Variants in GRM1 observed in about 807,000 individuals in gnomAD.
GRM1 encodes the protein metabotropic glutamate receptor 1.
GRM1 carries 33 observed loss-of-function variants against 90.9 expected under a neutral mutation model. The observed-to-expected ratio is 0.36, with a 90% CI of 0.28 to 0.49. The LOEUF is 0.49. Ranked by LOEUF, GRM1 falls within the 20% of genes least tolerant of loss-of-function variation. The pLI is 0.99. For missense variants in GRM1, 1,190 were observed against 1,534.3 expected (o/e 0.78, Z 3.75); for synonymous variants, 700 against 613.2 (o/e 1.14, Z -2.09).
intron 1 of GRM1, among the ~76,000 whole-genome samples, chr6:146,075,095 G>C (rs1165053402): frequency 1.3e-5 from 2 of 152,092 alleles, no homozygotes; most frequent in Non-Finnish European, 2.9e-5. Flanking sequence ...TGATCTCAGT[G>C]CTCTGTTGCT....
At chr6:146,042,995 G>T (rs1235650735) in intron 1 of GRM1, among the ~76,000 whole-genome samples, 3 of 151,940 alleles carry the variant, frequency 2.0e-5, no homozygotes, top group African/African-American at 7.2e-5. Context: ...CAACCTCTCT[G>T]TATGAAAATA....
At chr6:146,291,151 T>TC (rs1782967235) in intron 2 of GRM1, among the ~76,000 whole-genome samples, 1 of 152,068 alleles carries the variant, frequency 6.6e-6, no homozygotes, top group Non-Finnish European at 1.5e-5. Context: ...GTTAGTTGGT[T>TC]TCTTTTTGTT....
intron 2 of GRM1, among the ~76,000 whole-genome samples, chr6:146,169,335 C>T (rs796220006): frequency 3.3e-5 from 5 of 152,210 alleles, no homozygotes; most frequent in African/African-American, 1.2e-4. Flanking sequence ...TATATAAAAA[C>T]ATATTTAGAG....
chr6:146,135,102 T>C (rs529324987), intron 1 of GRM1, among the ~76,000 whole-genome samples: 3 of 152,300 alleles, frequency 2.0e-5, no homozygotes, highest in South Asian at 2.1e-4. Flanking sequence ...ACTTACTATA[T>C]GATAATATTT....
chr6:146,117,840 A>G (rs1775814461), intron 1 of GRM1, among the ~76,000 whole-genome samples: 1 of 152,108 alleles, frequency 6.6e-6, no homozygotes. Flanking sequence ...TTAAAAACCA[A>G]GAATTTAAGT....
At chr6:146,138,972 T>A (rs1776735060) in intron 1 of GRM1, among the ~76,000 whole-genome samples, 1 of 152,080 alleles carries the variant, frequency 6.6e-6, no homozygotes, top group Admixed American at 6.5e-5. Context: ...AGCGCTAAAA[T>A]TTCCTCTTAA....
At chr6:146,071,307 C>T (rs527783394) in intron 1 of GRM1, among the ~76,000 whole-genome samples, 91 of 152,218 alleles carry the variant, frequency 6.0e-4, no homozygotes, top group African/African-American at 1.8e-3. Flanking sequence ...TTGCTACCCG[C>T]GGCCTGCATA....
chr6:146,163,976 A>G (rs557921660), intron 2 of GRM1, among the ~76,000 whole-genome samples: 13 of 152,276 alleles, frequency 8.5e-5, no homozygotes, highest in South Asian at 2.1e-4. Context: ...CTATAGAACT[A>G]TATTTATGTA....
intron 5 of GRM1, among the ~76,000 whole-genome samples, chr6:146,368,531 T>C (rs574793647): frequency 6.6e-6 from 1 of 152,242 alleles, no homozygotes; most frequent in South Asian, 2.1e-4. Context: ...GGCCTTATTA[T>C]GTTGACAGAC....
At chr6:146,183,708 T>C (rs1778627752) in intron 2 of GRM1, among the ~76,000 whole-genome samples, 1 of 152,176 alleles carries the variant, frequency 6.6e-6, no homozygotes, top group Admixed American at 6.6e-5. Flanking sequence ...CTCTAGAACC[T>C]TCGTGTATAG....
At chr6:146,413,738 AATTAGAGACAACC>A (rs1777657998) in intron 7 of GRM1, among the ~76,000 whole-genome samples, 1 of 152,172 alleles carries the variant, frequency 6.6e-6, no homozygotes. Flanking sequence ...CCTGCTCTCC[AATTAGAGACAACC>A]ATTATTCTGA....
intron 4 of GRM1, among the ~76,000 whole-genome samples, chr6:146,353,928 G>A (rs1230389676): frequency 3.3e-5 from 5 of 152,084 alleles, no homozygotes; most frequent in African/African-American, 9.7e-5. Flanking sequence ...CACTTTGCCC[G>A]GCCTGGCAAC....
chr6:146,288,803 G>A (rs983403572), intron 2 of GRM1, among the ~76,000 whole-genome samples: 3 of 152,120 alleles, frequency 2.0e-5, no homozygotes, highest in African/African-American at 7.2e-5. Flanking sequence ...ATCGCGCGGG[G>A]CCAGAACATT....
chr6:146,374,683 T>A (rs1400158525), intron 5 of GRM1, among the ~76,000 whole-genome samples: 1 of 152,144 alleles, frequency 6.6e-6, no homozygotes, highest in African/African-American at 2.4e-5. Context: ...CCAGTAATGA[T>A]CCTTTGAATT....
chr6:146,177,928 A>G (rs1778392313), intron 2 of GRM1, among the ~76,000 whole-genome samples: 1 of 152,166 alleles, frequency 6.6e-6, no homozygotes, highest in Non-Finnish European at 1.5e-5. Context: ...TCTTGGATTT[A>G]CAGAAAAACT....
At chr6:146,297,379 C>G (rs191864575) in intron 2 of GRM1, among the ~76,000 whole-genome samples, 3 of 152,104 alleles carry the variant, frequency 2.0e-5, no homozygotes, top group African/African-American at 7.2e-5. Flanking sequence ...CCAGGATGGT[C>G]TCAATCTCCT....
chr6:146,268,502 C>T (rs1179206103), intron 2 of GRM1, among the ~76,000 whole-genome samples: 2 of 152,074 alleles, frequency 1.3e-5, no homozygotes, highest in African/African-American at 2.4e-5. Flanking sequence ...TTTATTAATA[C>T]TTGTATCTTC....
rs118001809 is a variant in GRM1 at position 146,228,307 on chromosome 6, G to C, written c.950+68710G>C. Among the ~76,000 whole-genome samples, 326 of 152,280 alleles carry C rather than the reference G, an allele frequency of 2.1e-3. 1 individual carries two copies. The East Asian group carries it at 0.035, about 16-fold the overall frequency. ...GTCCCAGAGCAGGTGCTGGTGTCTGGTGAGGGCCTTTGTACTGCGTTATCC... is the reference window on the plus strand; with the variant it reads ...GTCCCAGAGCAGGTGCTGGTGTCTGCTGAGGGCCTTTGTACTGCGTTATCC... On this transcript the variant is annotated intron_variant, in intron 2 of 7. Coordinates refer to ENST00000282753, the MANE Select transcript of GRM1 (RefSeq NM_001278064.2).
At chr6:146,321,748 G>T (rs1313884690) in intron 3 of GRM1, among the ~76,000 whole-genome samples, 1 of 151,746 alleles carries the variant, frequency 6.6e-6, no homozygotes, top group Admixed American at 6.6e-5. Flanking sequence ...TATCTGTTTT[G>T]GTTTAAAGTC....
Sources: allele counts gnomAD v4.1 joint callset (sites outside exome capture counted in the v4.1 genomes callset), GRCh38; gene constraint gnomAD v4.1.1; transcripts MANE v1.5; gene names NCBI Gene and HGNC (gene_info 2026-07-23, HGNC 2026-07-21).